Variants in CDON observed in about 807,000 individuals in gnomAD.
CDON encodes the protein cell adhesion associated, oncogene regulated.
Under a neutral mutation model 120.9 loss-of-function variants are expected in CDON, and 73 were observed. That is an observed-to-expected ratio of 0.60 (90% confidence interval 0.50 to 0.73). The LOEUF (loss-of-function observed/expected upper bound fraction) is 0.73. CDON is among the 30% of genes least tolerant of loss of function. CDON has a pLI of 0.00. For synonymous variants in CDON, 566 were observed against 573.5 expected, an observed-to-expected ratio of 0.99 and a Z score of 0.19; for missense variants, 1,470 against 1,587.3, an observed-to-expected ratio of 0.93 and a Z score of 1.26.
At chr11:125,985,645 T>C (rs1031776459) in intron 15 of CDON, among the ~76,000 whole-genome samples, 3 of 152,228 alleles carry the variant, frequency 2.0e-5, no homozygotes, top group African/African-American at 7.2e-5. Context: ...TCTCCTGTTA[T>C]GGTGCCAACA....
intron 1 of CDON, among the ~76,000 whole-genome samples, chr11:126,047,315 G>C (rs960652301): frequency 1.3e-5 from 2 of 152,014 alleles, no homozygotes; most frequent in South Asian, 2.1e-4. Context: ...GAACATACAG[G>C]AATTTACCCA....
chr11:126,061,656 C>A (rs1296457069), intron 1 of CDON, among the ~76,000 whole-genome samples: 1 of 152,210 alleles, frequency 6.6e-6, no homozygotes, highest in Non-Finnish European at 1.5e-5. Context: ...TCTTTACTGG[C>A]ATAGGCCTGA....
chr11:125,988,693 T>A (rs1010377388), intron 15 of CDON, among the ~76,000 whole-genome samples: 1 of 152,200 alleles, frequency 6.6e-6, no homozygotes, highest in Non-Finnish European at 1.5e-5. Context: ...AATGAGCTAT[T>A]TCTATTGTTC....
At chr11:126,017,038 A>C in intron 6 of CDON, 50 bp downstream of exon 6, 2 of 1,469,840 alleles carry the variant, frequency 1.4e-6, no homozygotes, top group Non-Finnish European at 1.9e-6. Context: ...GGTATCAGTT[A>C]GACCAGAAAA....
At chr11:126,035,435 C>T (rs1398447636) in intron 1 of CDON, among the ~76,000 whole-genome samples, 2 of 152,094 alleles carry the variant, frequency 1.3e-5, no homozygotes, top group Non-Finnish European at 2.9e-5. Context: ...AACTTGGCCA[C>T]ATAAAATAAT....
chr11:126,039,814 A>C (rs1948207707), intron 1 of CDON, among the ~76,000 whole-genome samples: 1 of 152,066 alleles, frequency 6.6e-6, no homozygotes. Context: ...CTTCCCCTCC[A>C]AAATAAGCCG....
chr11:125,971,297 G>A (rs968450557), intron 18 of CDON, among the ~76,000 whole-genome samples: 12 of 151,862 alleles, frequency 7.9e-5, no homozygotes, highest in African/African-American at 2.7e-4. Flanking sequence ...GCAGGAGAAT[G>A]GCGTGAACCT....
At chr11:126,061,912 A>G (rs1948806581) in intron 1 of CDON, among the ~76,000 whole-genome samples, 1 of 152,202 alleles carries the variant, frequency 6.6e-6, no homozygotes, top group Non-Finnish European at 1.5e-5. Context: ...AATGAAGGGA[A>G]GGGCAAGAGA....
At chr11:125,972,673 T>G (rs1946035986) in intron 18 of CDON, among the ~76,000 whole-genome samples, 1 of 151,962 alleles carries the variant, frequency 6.6e-6, no homozygotes, top group East Asian at 1.9e-4. Flanking sequence ...ATAAAAGGGG[T>G]CAAGGGTTGG....
chr11:126,001,806 C>G lies in CDON; in HGVS notation c.2071G>C (p.Val691Leu). 6.2e-7 allele frequency: 1 copy of G among 1,610,952 alleles called. No individual in the cohort carries two copies. Among genetic ancestry groups the G allele is most frequent in the Non-Finnish European group, 8.5e-7 (1 of 1,177,172 alleles). The change falls in exon 11 of 20, where the codon GTG becomes CTG. Residue 691 changes from valine to leucine, a missense_variant. Transcript: ENST00000531738. ...ACAACGGGATACTTAGGGATGCCCA[C>G]GGGTGGAGAGGATGCCTGGGTGTTT... ...SKNTQASSPP[V>L]GIPKYPVVSE...
intron 1 of CDON, among the ~76,000 whole-genome samples, chr11:126,055,206 C>T (rs1948653817): frequency 6.6e-6 from 1 of 152,110 alleles, no homozygotes; most frequent in Non-Finnish European, 1.5e-5. Context: ...GTTGCAAAGG[C>T]ATTTTTTTCA....
intron 7 of CDON, among the ~76,000 whole-genome samples, chr11:126,011,940 C>A (rs1452635067): frequency 6.6e-6 from 1 of 152,138 alleles, no homozygotes; most frequent in Non-Finnish European, 1.5e-5. Context: ...CATCAAAATG[C>A]GAAATGGGTC....
Position 125,958,421 on chromosome 11 carries a change from C to G in CDON, c.*2521G>C, listed in dbSNP as rs1023375297. The G allele has an allele frequency of 1.3e-4, 20 of 152,218 alleles. No individual in the cohort carries two copies. The highest frequency in any genetic ancestry group is 5.9e-4 in the Admixed American group (9 of 15,288). 9.4% of individuals were successfully genotyped at this position (152,218 alleles called of 1,614,324 possible). A position where few individuals can be genotyped will look rare whatever the true frequency, so the allele number is the denominator to read the frequency against. On this transcript the variant is annotated 3_prime_UTR_variant, in exon 20 of 20. Transcript: ENST00000531738. Reference sequence around the variant, plus strand: ...TATTCAGCACGTGTTAGTGCTGTCTCCCACACTGTACCATGTCCTCTCATT... The same window carrying G: ...TATTCAGCACGTGTTAGTGCTGTCTGCCACACTGTACCATGTCCTCTCATT...
chr11:125,961,714 C>T lies in CDON; in HGVS notation c.3631+10G>A, dbSNP rs771408542. 13 of 1,614,106 alleles carry T rather than the reference C, an allele frequency of 8.1e-6. No homozygotes were observed. The Admixed American group carries it at 1.8e-4, about 23-fold the overall frequency. On this transcript the variant is annotated intron_variant, in intron 19 of 19. Coordinates refer to ENST00000531738, the MANE Select transcript of CDON (RefSeq NM_001378964.1). ...ATCTGGAATCCTAAGGTTGATCATGCCTTCCTGACCTCTGCTGAACTCTGC... is the reference window on the plus strand; with the variant it reads ...ATCTGGAATCCTAAGGTTGATCATGTCTTCCTGACCTCTGCTGAACTCTGC...
chr11:125,973,018 C>CTTTTTTTTTTTTTTTTTTTTTTTT (rs35828939), intron 18 of CDON, among the ~76,000 whole-genome samples: 2 of 87,036 alleles, frequency 2.3e-5, no homozygotes, highest in African/African-American at 8.1e-5. Context: ...ATTACTTGGT[C>CTTTTTTTTTTTTTTTTTTTTTTTT]TTTTTTTTTT....
rs758112850 is a variant in CDON at position 125,960,898 on chromosome 11, G to T, written c.*44C>A. ...TTCGCTCCCAGGCCTGTTGTGTGCA[G>T]TTACCGGCTTGAAGTTGGAACATGA... is the stretch of plus-strand genomic sequence containing the variant. On this transcript the variant is annotated 3_prime_UTR_variant, in exon 20 of 20. Transcript: ENST00000531738. 8.1e-6 allele frequency: 13 copies of T among 1,595,902 alleles called. No individual in the cohort carries two copies. The highest frequency in any genetic ancestry group is 1.1e-5 in the Non-Finnish European group (13 of 1,164,360).
intron 1 of CDON, 95 bp from the exon 2 acceptor site, chr11:126,023,632 G>A: frequency 1.4e-6 from 1 of 698,262 alleles, no homozygotes; most frequent in Non-Finnish European, 2.6e-6. Context: ...TATTTTGAAA[G>A]CTCTGTGTAG....
intron 1 of CDON, among the ~76,000 whole-genome samples, chr11:126,038,648 G>A (rs1024421718): frequency 2.0e-5 from 3 of 150,556 alleles, no homozygotes; most frequent in Non-Finnish European, 3.0e-5. Context: ...GCGAAACTCC[G>A]TCTCAAAATA....
intron 1 of CDON, among the ~76,000 whole-genome samples, chr11:126,062,076 G>A (rs1026938282): frequency 4.6e-5 from 7 of 152,220 alleles, no homozygotes; most frequent in Non-Finnish European, 7.3e-5. Context: ...CAGAGGAGAA[G>A]GAAAAATACA....
Sources: gnomAD v4.1 joint callset for allele counts (sites outside exome capture counted in the v4.1 genomes callset) on GRCh38, gnomAD v4.1.1 for gene constraint, MANE v1.5 for transcripts, NCBI Gene and HGNC (gene_info 2026-07-23, HGNC 2026-07-21) for gene names.